The following HIRIP3 variants were observed in gnomAD, a reference collection of about 807,000 sequenced individuals.
HIRIP3 encodes HIRA-interacting protein 3.
A neutral mutation model predicts 50.3 loss-of-function variants in HIRIP3; 40 were observed. The ratio of observed to expected loss-of-function variants is 0.79; its 90% CI spans 0.62 to 1.03. The LOEUF (loss-of-function observed/expected upper bound fraction) is 1.03, where lower values mean the gene tolerates loss of function less well. Among genes scored for constraint, HIRIP3 ranks in the 50% least tolerant of loss-of-function variants. HIRIP3 has a pLI of 0.00. For missense variants in HIRIP3, 765 were observed against 705.4 expected (o/e 1.08, Z -0.96); for synonymous variants, 318 against 261.6 (o/e 1.22, Z -2.08).
chr16:29,995,031 A>T, intron 3 of HIRIP3, 72 bp downstream of exon 3: 2 of 1,523,600 alleles, frequency 1.3e-6, no homozygotes, highest in Non-Finnish European at 1.8e-6. Flanking sequence ...GGGACATAAG[A>T]GATGCGCAGT....
In HIRIP3 at chr16:29,994,539, T is replaced by TTC. The variant is rs1401900598; in HGVS notation, c.604_605dup (p.Pro203AsnfsTer19). 5.0e-6 allele frequency: 8 copies of TTC among 1,614,012 alleles called. No individual in the cohort carries two copies. The highest frequency in any genetic ancestry group is 5.1e-6 in the Non-Finnish European group (6 of 1,180,024). ...CCTTCTTTGCTGTCCTCTGAACGGG[T>TTC]TCTGCCTCGCTCTCCTCACTTTCTT... On this transcript the variant is annotated frameshift_variant, in exon 4 of 7. Transcript: ENST00000279392. LOFTEE classifies it high-confidence loss of function.
At position 29,994,028 on chromosome 16, in the gene HIRIP3, C is replaced by T. The variant is rs2070026785; in HGVS notation, c.1117G>A (p.Glu373Lys). The T allele has an allele frequency of 5.0e-6, 8 of 1,610,194 alleles. No homozygotes were observed. The highest frequency in any genetic ancestry group is 1.7e-5 in the Admixed American group (1 of 59,592). Residue 373 changes from glutamate to lysine, a missense_variant, in exon 4 of 7, where the codon GAG becomes AAG. Glu to Lys is a moderately conservative substitution (Grantham distance 56). Transcript: ENST00000279392. ...SDLEREVSDS[E>K]AGGGPQGERK... ...TCCCCCTGGGGGCCTCCCCCTGCCT[C>T]GCTGTCACTTACCTCCCTCTCCAAG...
At chr16:29,995,988 A>G (rs1326751642), upstream of HIRIP3, 1 of 567,708 alleles carries the variant, frequency 1.8e-6, no homozygotes, top group Non-Finnish European at 3.2e-6. Flanking sequence ...GCAGATGAGG[A>G]ACCTCGGGGA....
rs372208875 is a variant in HIRIP3 at position 29,993,247 on chromosome 16, T to A, written c.1631A>T (p.His544Leu). The A allele has an allele frequency of 6.3e-7, 1 of 1,587,588 alleles. No individual in the cohort carries two copies. Among genetic ancestry groups the A allele is most frequent in the East Asian group, 2.2e-5 (1 of 44,580 alleles). The change falls in exon 7 of 7, where the codon CAT becomes CTT. Residue 544 changes from histidine (H) to leucine (L), a missense_variant. By Grantham distance (99) the His-to-Leu change is moderately conservative. Transcript: ENST00000279392. Reference sequence around the variant, plus strand: ...ATCACTGCTGATGATGCCACGCATATGTGACCAGTCTGGGGGTGCGGGACG... The same window carrying A: ...ATCACTGCTGATGATGCCACGCATAAGTGACCAGTCTGGGGGTGCGGGACG... Reference protein sequence around the residue: ...RPRPAPPDWSHMRGIISSDGE... With the variant: ...RPRPAPPDWSLMRGIISSDGE...
chr16:29,993,307 T>C lies in HIRIP3; in HGVS notation c.1571A>G (p.Tyr524Cys), dbSNP rs774687036. 1 of 1,543,060 alleles carries C rather than the reference T, an allele frequency of 6.5e-7. No homozygotes were observed. The highest frequency in any genetic ancestry group is 8.8e-7 in the Non-Finnish European group (1 of 1,142,572). Residue 524 changes from tyrosine (Y) to cysteine (C), a missense_variant, in exon 7 of 7, where the codon TAC becomes TGC. By Grantham distance (194) the Tyr-to-Cys change is radical (BLOSUM62 -2). Transcript: ENST00000279392. ...LGEAAPPGEL[Y>C]RRTLDSDEER... ...TTCATCTGAGTCCAGGGTCCGTCGG[T>C]ACAGCTCCCCTGGGGGTGCTGCTTC...
chr16:29,995,787 T>C (rs1596656439), upstream of HIRIP3: 1 of 689,898 alleles, frequency 1.4e-6, no homozygotes, highest in East Asian at 2.7e-5. Flanking sequence ...CTCTGGGCAG[T>C]TGGAGGGTCT....
chr16:29,995,719 G>A, upstream of HIRIP3: 2 of 1,358,390 alleles, frequency 1.5e-6, no homozygotes, highest in South Asian at 1.3e-5. Context: ...GCGAGGGACC[G>A]TTGGCCCTTG....
In HIRIP3 at chr16:29,993,677, A is replaced by G; in HGVS notation, c.1371T>C (p.Ser457=). ...GSCCSHKERL[S]ILRAELEALG... ...GCGCTTCCAGTTCTGCCCGGAGGAT[A>G]CTCAGGCGCTCCTTGTGTGAGCAAC... Residue 457 remains serine (S), a synonymous_variant, in exon 5 of 7, where the codon AGT becomes AGC. Transcript: ENST00000279392. 6.2e-7 allele frequency: 1 copy of G among 1,611,242 alleles called. No homozygotes were observed. Among genetic ancestry groups the G allele is most frequent in the East Asian group, 2.2e-5 (1 of 44,860 alleles).
upstream of HIRIP3, chr16:29,995,920 G>C (rs1014641377): frequency 3.5e-6 from 2 of 570,542 alleles, no homozygotes; most frequent in African/African-American, 3.8e-5. Flanking sequence ...CACTGGTCAC[G>C]GGCAACAGCT....
rs753238284 is a variant in HIRIP3 at position 29,993,753 on chromosome 16, T to C, written c.1295A>G (p.Tyr432Cys). ...TCGATGGGCACCACAGGCCCGAATG[T>C]AGCGCTTCAGCCTCATCACAGCCGG... The part of the protein sequence containing the change: ...DHPAVMRLKR[Y>C]IRACGAHRNY... Residue 432 changes from tyrosine (Y) to cysteine (C), a missense_variant, in exon 5 of 7, where the codon TAC becomes TGC. Transcript: ENST00000279392. The C allele has an allele frequency of 2.2e-5, 36 of 1,609,620 alleles. No individual in the cohort carries two copies. The highest frequency in any genetic ancestry group is 2.0e-5 in the Non-Finnish European group (24 of 1,180,002).
chr16:29,993,358 C>T lies in HIRIP3; in HGVS notation c.1520G>A (p.Arg507Lys), dbSNP rs758400018. ...NIISGSGRPR[R>K]RTAWNPLGEA... is the part of the protein sequence containing the mutation. ...TCCTAAAGGGTTCCAGGCTGTACGTCTGCGTGGCCGGCCTAGGGGAAAGGG... is the reference window on the plus strand; with the variant it reads ...TCCTAAAGGGTTCCAGGCTGTACGTTTGCGTGGCCGGCCTAGGGGAAAGGG... The change falls in exon 7 of 7, where the codon AGA becomes AAA. Residue 507 changes from arginine to lysine, a missense_variant. By Grantham distance (26) the Arg-to-Lys change is conservative. Coordinates refer to ENST00000279392, the MANE Select transcript of HIRIP3 (RefSeq NM_003609.5). The T allele has an allele frequency of 3.9e-6, 6 of 1,552,204 alleles. No individual in the cohort carries two copies. Among genetic ancestry groups the T allele is most frequent in the Non-Finnish European group, 4.4e-6 (5 of 1,145,252 alleles).
intron 4 of HIRIP3, 26 bp downstream of exon 4, chr16:29,993,880 G>A: frequency 6.3e-7 from 1 of 1,594,038 alleles, no homozygotes; most frequent in Non-Finnish European, 8.6e-7. Context: ...CCCTAATAGT[G>A]GCCTCCCACC....
At position 29,994,573 on chromosome 16, in the gene HIRIP3, T is replaced by C. The variant is rs777990033; in HGVS notation, c.572A>G (p.Gln191Arg). The change falls in exon 4 of 7, where the codon CAG becomes CGG. Residue 191 changes from glutamine to arginine, a missense_variant. Coordinates refer to ENST00000279392, the MANE Select transcript of HIRIP3 (RefSeq NM_003609.5). ...APGKASVSRKQAREESEESEA... is the reference protein window; with the variant it reads ...APGKASVSRKRAREESEESEA... Reference sequence around the variant, plus strand: ...GCTCTCCTCACTTTCTTCCCTGGCCTGCTTCCTACTGACTGAGGCCTTGCC... The same window carrying C: ...GCTCTCCTCACTTTCTTCCCTGGCCCGCTTCCTACTGACTGAGGCCTTGCC... 1.2e-6 allele frequency: 2 copies of C among 1,614,192 alleles called. No homozygotes were observed. Among genetic ancestry groups the C allele is most frequent in the Non-Finnish European group, 1.7e-6 (2 of 1,180,030 alleles).
At chr16:29,995,788 T>C (rs567399348), upstream of HIRIP3, 17 of 691,270 alleles carry the variant, frequency 2.5e-5, no homozygotes, top group Non-Finnish European at 3.1e-5. Flanking sequence ...TCTGGGCAGT[T>C]GGAGGGTCTC....
Position 29,994,359 on chromosome 16 carries a change from C to T in HIRIP3, c.786G>A (p.Arg262=). The T allele has an allele frequency of 1.2e-6, 2 of 1,614,170 alleles. No homozygotes were observed. The highest frequency in any genetic ancestry group is 1.7e-6 in the Non-Finnish European group (2 of 1,180,038). ...TAGCTGACTTTCTCCGGCCATTGCT[C>T]CTGGTTCTGGGTTTCCAATCCCCCT... is the stretch of plus-strand genomic sequence containing the variant. ...EEKGDWKPRT[R]SNGRRKSARE... is the part of the protein sequence containing the mutation. The change falls in exon 4 of 7, where the codon AGG becomes AGA. Residue 262 remains arginine, a synonymous_variant. Transcript: ENST00000279392.
rs751524757 is a variant in HIRIP3 at position 29,993,453 on chromosome 16, C to T, written c.1507+6G>A. 3.1e-6 allele frequency: 5 copies of T among 1,610,844 alleles called. No individual in the cohort carries two copies. Among genetic ancestry groups the T allele is most frequent in the African/African-American group, 1.3e-5 (1 of 74,842 alleles). Reference sequence around the variant, plus strand: ...TGCTCCTGGGCAGTGAGAGGAAACCCCTTACCCGAGCCACTGATGATGTTC... The same window carrying T: ...TGCTCCTGGGCAGTGAGAGGAAACCTCTTACCCGAGCCACTGATGATGTTC... On this transcript the variant is annotated splice_donor_region_variant and intron_variant, in intron 6 of 6. Transcript: ENST00000279392.
Position 29,995,597 on chromosome 16 carries a change from C to CCG in HIRIP3, c.7_8dup (p.Glu4GlyfsTer32), listed in dbSNP as rs1197974625. 1.6e-5 allele frequency: 26 copies of CCG among 1,612,284 alleles called. No individual in the cohort carries two copies. The highest frequency in any genetic ancestry group is 2.2e-5 in the Non-Finnish European group (26 of 1,180,016). On this transcript the variant is annotated frameshift_variant, in exon 1 of 7. Transcript: ENST00000279392. LOFTEE classifies it high-confidence loss of function. ...GGGTGAACTCCTGCATCTCCTTCTCCCGCGCCATTTTGCTCAACCCGGGAT... is the reference window on the plus strand; with the variant it reads ...GGGTGAACTCCTGCATCTCCTTCTCCCGCGCGCCATTTTGCTCAACCCGGGAT...
upstream of HIRIP3, chr16:29,996,013 G>A (rs145052397): frequency 2.3e-3 from 1,342 of 574,694 alleles, 12 homozygotes; most frequent in African/African-American, 0.023. Context: ...TCCTTTTGTG[G>A]CTTCAAGTGT....
chr16:29,993,295 A>T lies in HIRIP3; in HGVS notation c.1583T>A (p.Leu528Gln). Residue 528 changes from leucine to glutamine, a missense_variant, in exon 7 of 7, where the codon CTG becomes CAG. Physicochemically the swap from Leu to Gln is moderately radical, Grantham distance 113 (BLOSUM62 -2). Transcript: ENST00000279392. ...APPGELYRRT[L>Q]DSDEERPRPA... ...ACGGGGCCGCTCTTCATCTGAGTCC[A>T]GGGTCCGTCGGTACAGCTCCCCTGG... 1 of 1,545,226 alleles carries T rather than the reference A, an allele frequency of 6.5e-7. No individual in the cohort carries two copies.
Sources: allele counts gnomAD v4.1 joint callset, GRCh38; gene constraint gnomAD v4.1.1; transcripts MANE v1.5; gene names NCBI Gene and HGNC (gene_info 2026-07-23, HGNC 2026-07-21).